DPP6: variants seen among roughly 807,000 people sequenced by gnomAD.
DPP6 encodes dipeptidyl peptidase like 6.
A neutral mutation model predicts 122.6 loss-of-function variants in DPP6; 69 were observed. That is an observed-to-expected ratio of 0.56 (90% CI 0.46 to 0.69). The LOEUF is 0.69. Among genes scored for constraint, DPP6 ranks in the 30% least tolerant of loss-of-function variants. DPP6 has a pLI of 0.00. For missense variants in DPP6, 928 were observed against 1,116.9 expected, an observed-to-expected ratio of 0.83 and a Z score of 2.41; for synonymous variants, 418 against 433.1, an observed-to-expected ratio of 0.97 and a Z score of 0.43.
At chr7:154,239,378 C>A (rs1044453457) in intron 1 of DPP6, among the ~76,000 whole-genome samples, 1 of 152,178 alleles carries the variant, frequency 6.6e-6, no homozygotes, top group Non-Finnish European at 1.5e-5. Context: ...GCCTCTGCCA[C>A]CCCTGAAACA....
At chr7:154,228,050 T>G (rs1270187409) in intron 1 of DPP6, among the ~76,000 whole-genome samples, 3 of 152,208 alleles carry the variant, frequency 2.0e-5, no homozygotes, top group Non-Finnish European at 1.5e-5. Context: ...ACAGCAAATT[T>G]AAAAGATACT....
At chr7:153,958,699 TGGAGGACAGCA>T (rs1795193231) in intron 1 of DPP6, among the ~76,000 whole-genome samples, 1 of 152,196 alleles carries the variant, frequency 6.6e-6, no homozygotes, top group East Asian at 1.9e-4. Context: ...TGGCTGGGGC[TGGAGGACAGCA>T]GGAACAGACA....
At chr7:154,891,985 G>A (rs1033364417) in intron 25 of DPP6, among the ~76,000 whole-genome samples, 2 of 152,194 alleles carry the variant, frequency 1.3e-5, no homozygotes, top group African/African-American at 4.8e-5. Context: ...GTAGAGTGTT[G>A]AATGAAGAGC....
intron 4 of DPP6, among the ~76,000 whole-genome samples, chr7:154,553,706 T>C (rs967258382): frequency 1.3e-5 from 2 of 152,182 alleles, no homozygotes; most frequent in African/African-American, 4.8e-5. Context: ...AATCCAGCTG[T>C]AGCCTTGGTC....
chr7:154,117,868 TAG>T, intron 1 of DPP6, among the ~76,000 whole-genome samples: 1 of 151,848 alleles, frequency 6.6e-6, no homozygotes, highest in Non-Finnish European at 1.5e-5. Context: ...TGTTCTGATG[TAG>T]AGAGGGATTT....
chr7:154,424,936 G>A (rs561097628), intron 1 of DPP6, among the ~76,000 whole-genome samples: 1 of 152,344 alleles, frequency 6.6e-6, no homozygotes, highest in African/African-American at 2.4e-5. Context: ...GTCATGAAGT[G>A]TAATTTGCTT....
chr7:154,311,538 G>T (rs1226924697), intron 1 of DPP6, among the ~76,000 whole-genome samples: 6 of 152,028 alleles, frequency 3.9e-5, no homozygotes. Context: ...ATCTGGGTGG[G>T]ATGTAAATTG....
intron 12 of DPP6, among the ~76,000 whole-genome samples, chr7:154,798,657 C>T (rs1380385933): frequency 1.3e-5 from 2 of 152,284 alleles, no homozygotes; most frequent in East Asian, 1.9e-4. Flanking sequence ...TGGGGCATCC[C>T]GCCCATGGCA....
At chr7:154,247,717 A>G (rs553525235) in intron 1 of DPP6, among the ~76,000 whole-genome samples, 1 of 152,342 alleles carries the variant, frequency 6.6e-6, no homozygotes, top group South Asian at 2.1e-4. Flanking sequence ...AAAGCCCAGT[A>G]TATAGTGCCC....
chr7:153,768,623 TA>T, the DPP6 span, among the ~76,000 whole-genome samples: 1 of 152,192 alleles, frequency 6.6e-6, no homozygotes, highest in African/African-American at 2.4e-5. Context: ...TAGTGAATAT[TA>T]AACACTTATG....
chr7:154,752,062 G>A (rs1258156897), intron 8 of DPP6, among the ~76,000 whole-genome samples: 1 of 152,196 alleles, frequency 6.6e-6, no homozygotes, highest in East Asian at 1.9e-4. Context: ...GGCGTCCTTG[G>A]AAAGCAAAGG....
intron 1 of DPP6, among the ~76,000 whole-genome samples, chr7:154,411,884 C>A (rs1247842997): frequency 6.6e-6 from 1 of 152,124 alleles, no homozygotes; most frequent in Non-Finnish European, 1.5e-5. Context: ...TCTAGTTCAT[C>A]CTCTTCGTTT....
chr7:154,299,886 C>T (rs942313701), intron 1 of DPP6, among the ~76,000 whole-genome samples: 1 of 152,174 alleles, frequency 6.6e-6, no homozygotes, highest in Non-Finnish European at 1.5e-5. Flanking sequence ...TTGCATCAGG[C>T]TGCGGAGGGA....
chr7:154,831,780 G>C (rs1408749025), intron 16 of DPP6, among the ~76,000 whole-genome samples: 4 of 152,158 alleles, frequency 2.6e-5, no homozygotes, highest in African/African-American at 9.7e-5. Context: ...TCATGTAACT[G>C]AGGAATCAAA....
At chr7:153,999,915 G>A (rs1344572705) in intron 1 of DPP6, among the ~76,000 whole-genome samples, 9 of 151,710 alleles carry the variant, frequency 5.9e-5, no homozygotes, top group Admixed American at 5.2e-4. Context: ...AGCCAAGATC[G>A]CACCACTGCA....
chr7:154,719,132 C>A (rs546189350), intron 7 of DPP6, among the ~76,000 whole-genome samples: 4 of 149,278 alleles, frequency 2.7e-5, no homozygotes, highest in African/African-American at 1.0e-4. Flanking sequence ...TCGCTTATGA[C>A]TCCTTCTCTC....
chr7:154,532,380 A>C (rs1827902859), intron 3 of DPP6, among the ~76,000 whole-genome samples: 2 of 152,160 alleles, frequency 1.3e-5, no homozygotes, highest in African/African-American at 4.8e-5. Context: ...TAGTTTAACT[A>C]GAAAGGAAAA....
Position 154,863,873 on chromosome 7 carries a change from G to C in DPP6, c.1715-4122G>C, listed in dbSNP as rs1392039322. 6.6e-6 allele frequency among the ~76,000 whole-genome samples: 1 copy of C among 151,934 alleles called. No individual in the cohort carries two copies. The highest frequency in any genetic ancestry group is 1.5e-5 in the Non-Finnish European group (1 of 68,030). On this transcript the variant is annotated intron_variant, in intron 17 of 25. Transcript: ENST00000377770. The surrounding 1 kb of genome is among the most constrained non-coding windows in gnomAD (Gnocchi z 4.1). ...TTAAGGTGAGTAAGTTTAAACAGTA[G>C]TCATGCGGGCTCTGGGCCTGAATCT...
At chr7:154,155,376 C>A (rs1796627116) in intron 1 of DPP6, among the ~76,000 whole-genome samples, 1 of 152,182 alleles carries the variant, frequency 6.6e-6, no homozygotes, top group Admixed American at 6.5e-5. Context: ...GAGAAATAGT[C>A]AGGAGCTAAG....
Sources: allele counts gnomAD v4.1 joint callset (sites outside exome capture counted in the v4.1 genomes callset), GRCh38; gene constraint gnomAD v4.1.1; non-coding constraint Gnocchi (gnomAD v3.1); transcripts MANE v1.5; gene names NCBI Gene and HGNC (gene_info 2026-07-23, HGNC 2026-07-21).